The following OPCML variants were observed in gnomAD, a reference collection of about 807,000 sequenced individuals.
The protein encoded by OPCML is opioid binding protein/cell adhesion molecule like, also known as opioid-binding protein/cell adhesion molecule.
Under a neutral mutation model 37.8 loss-of-function variants are expected in OPCML, and 13 were observed. That is an observed-to-expected ratio of 0.34 (90% confidence interval 0.22 to 0.55). The LOEUF is 0.55. OPCML is among the 20% of genes least tolerant of loss of function. The pLI, the probability that OPCML is intolerant of heterozygous loss-of-function variation, is 0.91. For missense variants in OPCML, 341 were observed against 435.6 expected (o/e 0.78, Z 1.93); for synonymous variants, 176 against 168.8 (o/e 1.04, Z -0.33).
chr11:132,947,618 T>C (rs1364083682), intron 1 of OPCML, among the ~76,000 whole-genome samples: 2 of 152,212 alleles, frequency 1.3e-5, no homozygotes, highest in African/African-American at 2.4e-5. Flanking sequence ...TTATAGAATA[T>C]AAGGCTGAGA....
intron 1 of OPCML, among the ~76,000 whole-genome samples, chr11:133,495,297 CAT>C (rs1947760676): frequency 6.6e-6 from 1 of 152,176 alleles, no homozygotes; most frequent in South Asian, 2.1e-4. Flanking sequence ...TTTATCCACT[CAT>C]TGATTGATTG....
At chr11:133,413,189 G>A (rs10791291) in intron 1 of OPCML, among the ~76,000 whole-genome samples, 90,136 of 151,936 alleles carry the variant, frequency 0.59, 31,043 homozygotes, top group Middle Eastern at 0.78. Context: ...ATGTTGTAGG[G>A]GCTCTGGAGA....
At chr11:133,226,352 G>A (rs973075512) in intron 1 of OPCML, among the ~76,000 whole-genome samples, 1 of 152,182 alleles carries the variant, frequency 6.6e-6, no homozygotes, top group African/African-American at 2.4e-5. Flanking sequence ...GGTTTTGGGG[G>A]GTTAGGGGTG....
chr11:132,563,984 A>G (rs1179111570), intron 3 of OPCML, among the ~76,000 whole-genome samples: 4 of 152,182 alleles, frequency 2.6e-5, no homozygotes, highest in Admixed American at 1.3e-4. Context: ...TGCCATGTGA[A>G]GAAGGGGACT....
intron 4 of OPCML, among the ~76,000 whole-genome samples, chr11:132,445,005 T>C (rs991925997): frequency 2.4e-4 from 36 of 152,260 alleles, no homozygotes; most frequent in Admixed American, 1.8e-3. Flanking sequence ...AATGTCTCAC[T>C]TGCTGGCGGT....
chr11:132,651,036 T>C (rs1357088387), intron 3 of OPCML, among the ~76,000 whole-genome samples: 1 of 152,196 alleles, frequency 6.6e-6, no homozygotes, highest in Non-Finnish European at 1.5e-5. Context: ...TGGCTCTGCC[T>C]CCCTGGGCCT....
chr11:132,820,123 A>G (rs10791251), intron 2 of OPCML, among the ~76,000 whole-genome samples: 71,745 of 151,818 alleles, frequency 0.47, 17,264 homozygotes, highest in East Asian at 0.6. Flanking sequence ...AGAAAGGAAG[A>G]AAAGAAAATG....
intron 2 of OPCML, among the ~76,000 whole-genome samples, chr11:132,703,097 C>CA (rs1276912686): frequency 1.3e-5 from 2 of 152,078 alleles, no homozygotes; most frequent in Non-Finnish European, 2.9e-5. Flanking sequence ...TGCTTGACAA[C>CA]AAAGATATGT....
At chr11:133,381,109 T>G (rs1944919460) in intron 1 of OPCML, among the ~76,000 whole-genome samples, 1 of 152,212 alleles carries the variant, frequency 6.6e-6, no homozygotes, top group Non-Finnish European at 1.5e-5. Context: ...AGGCTCCGCA[T>G]GAAGAGCTGT....
intron 1 of OPCML, among the ~76,000 whole-genome samples, chr11:133,401,025 T>G (rs1440327065): frequency 6.6e-6 from 1 of 152,186 alleles, no homozygotes; most frequent in Non-Finnish European, 1.5e-5. Flanking sequence ...AAGTTTAGTT[T>G]TCTCCAAGTA....
intron 1 of OPCML, among the ~76,000 whole-genome samples, chr11:133,315,865 A>G (rs1206304247): frequency 1.3e-5 from 2 of 152,060 alleles, no homozygotes; most frequent in African/African-American, 4.8e-5. Flanking sequence ...CAAAATCAAT[A>G]CCTTCATCAT....
At position 132,418,154 on chromosome 11, in the gene OPCML, A is replaced by C. The variant is rs2095944926; in HGVS notation, c.*2039T>G. On this transcript the variant is annotated 3_prime_UTR_variant, in exon 8 of 8. Transcript: ENST00000524381. The stretch of plus-strand genomic sequence containing the variant: ...AGAGGACACTGATACCAGAGGAAGA[A>C]GACCAGTTAAGCATTAAGGGCACAG... The C allele has an allele frequency of 6.6e-6, 1 of 152,228 alleles. No homozygotes were observed. Among genetic ancestry groups the C allele is most frequent in the Non-Finnish European group, 1.5e-5 (1 of 68,032 alleles). The allele number at this position is 152,228 out of a possible 1,614,324, so 9.4% of individuals were successfully genotyped here.
At chr11:132,519,291 G>A (rs2096287021) in intron 4 of OPCML, among the ~76,000 whole-genome samples, 1 of 152,114 alleles carries the variant, frequency 6.6e-6, no homozygotes, top group Non-Finnish European at 1.5e-5. Context: ...AAGGCATTAT[G>A]AATCTACATT....
chr11:133,483,369 G>A (rs895745773), intron 1 of OPCML, among the ~76,000 whole-genome samples: 1 of 149,172 alleles, frequency 6.7e-6, no homozygotes, highest in Non-Finnish European at 1.5e-5. Flanking sequence ...ATAGCTAATA[G>A]ATAGATATGA....
intron 2 of OPCML, among the ~76,000 whole-genome samples, chr11:132,912,021 G>A (rs865946690): frequency 6.6e-5 from 10 of 152,044 alleles, no homozygotes; most frequent in East Asian, 3.9e-4. Context: ...TAATTGAGAC[G>A]CATCAGTGAG....
intron 1 of OPCML, among the ~76,000 whole-genome samples, chr11:133,092,202 A>G (rs1025159432): frequency 6.6e-6 from 1 of 152,184 alleles, no homozygotes; most frequent in African/African-American, 2.4e-5. Context: ...TTCCCCAGAC[A>G]CCAACCTCTC....
intron 1 of OPCML, among the ~76,000 whole-genome samples, chr11:132,960,905 G>C (rs192777250): frequency 5.1e-4 from 78 of 152,286 alleles, no homozygotes; most frequent in Middle Eastern, 6.8e-3. Flanking sequence ...CTTGTAACTG[G>C]GGTGAGGCTG....
At chr11:132,584,646 C>T (rs997180404) in intron 3 of OPCML, among the ~76,000 whole-genome samples, 1 of 152,092 alleles carries the variant, frequency 6.6e-6, no homozygotes, top group African/African-American at 2.4e-5. Flanking sequence ...ACTGGGCTCC[C>T]TGATAAGAGT....
At chr11:132,563,390 G>C (rs765958631) in intron 3 of OPCML, among the ~76,000 whole-genome samples, 1 of 151,844 alleles carries the variant, frequency 6.6e-6, no homozygotes, top group Non-Finnish European at 1.5e-5. Flanking sequence ...CTGTATTTGG[G>C]TGCCTTACTT....
Sources: gnomAD v4.1 joint callset for allele counts (sites outside exome capture counted in the v4.1 genomes callset) on GRCh38, gnomAD v4.1.1 for gene constraint, MANE v1.5 for transcripts, NCBI Gene and HGNC (gene_info 2026-07-23, HGNC 2026-07-21) for gene names.